CLASP2: variants seen among roughly 807,000 people sequenced by gnomAD.
The protein encoded by CLASP2 is CLIP-associating protein 2.
CLASP2 carries 47 observed loss-of-function variants against 194.4 expected under a neutral mutation model. The ratio of observed to expected loss-of-function variants is 0.24; its 90% CI spans 0.19 to 0.31. CLASP2 has a LOEUF of 0.31. Ranked by LOEUF, CLASP2 falls within the 10% of genes least tolerant of loss-of-function variation. The pLI, the probability that CLASP2 is intolerant of heterozygous loss-of-function variation, is 1.00. For synonymous variants in CLASP2, 619 were observed against 633.5 expected (o/e 0.98, Z 0.34); for missense variants, 1,445 against 1,823.6 (o/e 0.79, Z 3.78).
chr3:33,632,464 AC>A, intron 8 of CLASP2, 93 bp from the exon 9 acceptor site: 3 of 844,634 alleles, frequency 3.6e-6, no homozygotes, highest in Non-Finnish European at 5.5e-6. Flanking sequence ...TTTGATATCA[AC>A]AAAAGTATAA....
At chr3:33,571,014 A>ATTTTTTTTTTTTTTTTTTT (rs1276472825) in intron 25 of CLASP2, among the ~76,000 whole-genome samples, 2 of 127,824 alleles carry the variant, frequency 1.6e-5, no homozygotes, top group African/African-American at 2.9e-5. Context: ...TGTCTCTATA[A>ATTTTTTTTTTTTTTTTTTT]ATTTTTTTTT....
chr3:33,590,016 C>T (rs2068351670), intron 21 of CLASP2, among the ~76,000 whole-genome samples: 1 of 151,954 alleles, frequency 6.6e-6, no homozygotes, highest in African/African-American at 2.4e-5. Flanking sequence ...TACAGAAGTA[C>T]ACAAAAGCAG....
chr3:33,607,343 A>C (rs1382913360), intron 15 of CLASP2, 41 bp downstream of exon 15: 3 of 1,389,004 alleles, frequency 2.2e-6, no homozygotes, highest in Non-Finnish European at 2.9e-6. Context: ...TTTTTTTTAA[A>C]AAAGATTAAA....
intron 12 of CLASP2, among the ~76,000 whole-genome samples, chr3:33,618,831 T>C (rs1194117103): frequency 6.6e-6 from 1 of 152,162 alleles, no homozygotes; most frequent in Non-Finnish European, 1.5e-5. Context: ...GAGATTTGTT[T>C]TTTCAACTCT....
chr3:33,586,673 T>C (rs989465508), intron 21 of CLASP2, among the ~76,000 whole-genome samples: 1 of 152,178 alleles, frequency 6.6e-6, no homozygotes, highest in African/African-American at 2.4e-5. Context: ...ATAATCTAAA[T>C]GTAGATTCAG....
At chr3:33,508,641 G>C (rs945216167) in intron 37 of CLASP2, among the ~76,000 whole-genome samples, 5 of 152,072 alleles carry the variant, frequency 3.3e-5, no homozygotes, top group Non-Finnish European at 7.4e-5. Context: ...AAATAATTTT[G>C]TAAGTCAATA....
At position 33,579,473 on chromosome 3, in the gene CLASP2, G is replaced by C. The variant is rs181892884; in HGVS notation, c.2347+2348C>G. 2.0e-4 allele frequency among the ~76,000 whole-genome samples: 31 copies of C among 152,280 alleles called. No homozygotes were observed. The East Asian group carries it at 5.8e-3, about 28-fold the overall frequency. On this transcript the variant is annotated intron_variant, in intron 23 of 38. Transcript: ENST00000682230. ...TTCTTGATATGTTTTCTAGGAACGTGCAATATCAACATTATATAAATGCAG... is the reference window on the plus strand; with the variant it reads ...TTCTTGATATGTTTTCTAGGAACGTCCAATATCAACATTATATAAATGCAG...
At chr3:33,699,019 C>T (rs950158359) in intron 1 of CLASP2, among the ~76,000 whole-genome samples, 5 of 151,954 alleles carry the variant, frequency 3.3e-5, no homozygotes, top group African/African-American at 1.2e-4. Flanking sequence ...GCAGAGAGAC[C>T]AAAACTTTAA....
intron 34 of CLASP2, among the ~76,000 whole-genome samples, chr3:33,527,210 A>AC (rs1326915515): frequency 1.3e-5 from 2 of 151,766 alleles, no homozygotes; most frequent in African/African-American, 4.9e-5. Context: ...TTAATAAAAT[A>AC]GATAGGCCAC....
rs187063240 is a variant in CLASP2, at chr3:33,684,273, A to T, written c.644+86T>A. The T allele has an allele frequency of 1.9e-3, 1,312 of 689,130 alleles. 2 individuals carry two copies. The highest frequency in any genetic ancestry group is 2.4e-3 in the Non-Finnish European group (1,034 of 423,700). 42.7% of individuals were successfully genotyped at this position (689,130 alleles called of 1,614,324 possible). On this transcript the variant is annotated intron_variant, in intron 6 of 38. Coordinates refer to ENST00000682230, the MANE Select transcript of CLASP2 (RefSeq NM_001365631.1). The stretch of plus-strand genomic sequence containing the variant: ...AAAAATAAATAAATAAATAAATAAA[A>T]AATACATTGAAATACACAAATAAAA...
rs1344469830 is a variant in CLASP2 at position 33,689,135 on chromosome 3, C to T, written c.378+694G>A. 4.0e-5 allele frequency among the ~76,000 whole-genome samples: 6 copies of T among 151,396 alleles called. No individual in the cohort carries two copies. In the East Asian group the frequency reaches 1.2e-3, roughly 29 times the overall value. ...TATTCAGTTCTATTAATATATTTCT[C>T]TCTCCCTACCAAACTTTCAAGAAGG... On this transcript the variant is annotated intron_variant, in intron 3 of 38. Transcript: ENST00000682230.
chr3:33,601,858 T>C (rs2072306325), intron 18 of CLASP2, among the ~76,000 whole-genome samples: 3 of 152,202 alleles, frequency 2.0e-5, no homozygotes, highest in African/African-American at 7.2e-5. Context: ...TACTCATACC[T>C]AAATTCTCTG....
chr3:33,672,792 A>T (rs1165266604), intron 6 of CLASP2, among the ~76,000 whole-genome samples: 1 of 152,250 alleles, frequency 6.6e-6, no homozygotes, highest in African/African-American at 2.4e-5. Flanking sequence ...CTACATGAAA[A>T]ATGCAGAAGC....
At chr3:33,713,041 A>T (rs1016691441) in intron 1 of CLASP2, among the ~76,000 whole-genome samples, 1 of 146,582 alleles carries the variant, frequency 6.8e-6, no homozygotes, top group Non-Finnish European at 1.5e-5. Flanking sequence ...AAAAAAAAAG[A>T]AAGTGTGAAT....
intron 6 of CLASP2, among the ~76,000 whole-genome samples, chr3:33,678,339 A>C (rs1387692667): frequency 6.6e-6 from 1 of 152,160 alleles, no homozygotes; most frequent in Admixed American, 6.5e-5. Flanking sequence ...ACTATAGTAA[A>C]TCAAAAATAA....
At position 33,570,919 on chromosome 3, in the gene CLASP2, T is replaced by C. The variant is rs1193296359; in HGVS notation, c.2700-129A>G. On this transcript the variant is annotated intron_variant, in intron 25 of 38. Coordinates refer to ENST00000682230, the MANE Select transcript of CLASP2 (RefSeq NM_001365631.1). The stretch of plus-strand genomic sequence containing the variant: ...GGTTGGGCATGGTGGCTCACGCCTA[T>C]AATCCTAGCATTTTGGGAGGCTGAG... The C allele has an allele frequency of 8.9e-6, 7 of 787,466 alleles. No homozygotes were observed. In the African/African-American group the frequency reaches 1.3e-4, roughly 14 times the overall value. The allele number at this position is 787,466 out of a possible 1,614,324, so 48.8% of individuals were successfully genotyped here. A position where few individuals can be genotyped will look rare whatever the true frequency, so the allele number is the denominator to read the frequency against.
chr3:33,546,398 T>C (rs1559960451), intron 30 of CLASP2, among the ~76,000 whole-genome samples: 1 of 152,234 alleles, frequency 6.6e-6, no homozygotes, highest in East Asian at 1.9e-4. Flanking sequence ...ATTTCGATCA[T>C]ATCCTTCCTT....
In CLASP2 at chr3:33,510,713, G is replaced by A. The variant is rs906936375; in HGVS notation, c.4162C>T (p.Pro1388Ser). ...AASVLATSIS[P>S]EQCIKVLCPI... ...CAAAGCACTTTGATGCACTGCTCTGGACTAATTGAAGTGGCCAACACTGAT... is the reference window on the plus strand; with the variant it reads ...CAAAGCACTTTGATGCACTGCTCTGAACTAATTGAAGTGGCCAACACTGAT... The change falls in exon 37 of 39, where the codon CCA becomes TCA. Residue 1388 changes from proline to serine, a missense_variant. Physicochemically the swap from Pro to Ser is moderately conservative, Grantham distance 74. Transcript: ENST00000682230. 6.2e-7 allele frequency: 1 copy of A among 1,613,140 alleles called. No homozygotes were observed. The highest frequency in any genetic ancestry group is 1.3e-5 in the African/African-American group (1 of 74,860).
intron 6 of CLASP2, among the ~76,000 whole-genome samples, chr3:33,671,066 CCA>C (rs1280917680): frequency 6.6e-6 from 1 of 152,074 alleles, no homozygotes; most frequent in African/African-American, 2.4e-5. Context: ...ATCCCGAACT[CCA>C]GTCTCCTATA....
Sources: gnomAD v4.1 joint callset for allele counts (sites outside exome capture counted in the v4.1 genomes callset) on GRCh38, gnomAD v4.1.1 for gene constraint, MANE v1.5 for transcripts, NCBI Gene and HGNC (gene_info 2026-07-23, HGNC 2026-07-21) for gene names.